Variants in NKAIN3 observed in about 807,000 individuals in gnomAD.
NKAIN3 encodes the protein sodium/potassium-transporting ATPase subunit beta-1-interacting protein 3.
A neutral mutation model predicts 30.2 loss-of-function variants in NKAIN3; 25 were observed. That is an observed-to-expected ratio of 0.83 (90% CI 0.60 to 1.16). The LOEUF is 1.16. Ranked by LOEUF, NKAIN3 falls within the 50% of genes most tolerant of loss-of-function variation. NKAIN3 has a pLI of 0.00. For missense variants in NKAIN3, 225 were observed against 254.1 expected (o/e 0.89, Z 0.78); for synonymous variants, 91 against 89.6 (o/e 1.02, Z -0.09).
chr8:62,844,277 G>C, intron 4 of NKAIN3, among the ~76,000 whole-genome samples: 1 of 152,104 alleles, frequency 6.6e-6, no homozygotes, highest in East Asian at 1.9e-4. Context: ...AGAGCATAAT[G>C]GGGGAACTCT....
At chr8:62,771,565 T>C (rs959001574) in intron 4 of NKAIN3, among the ~76,000 whole-genome samples, 8 of 151,718 alleles carry the variant, frequency 5.3e-5, no homozygotes, top group African/African-American at 9.7e-5. Context: ...GTACTTGGGG[T>C]GTCAGAAAGA....
intron 4 of NKAIN3, among the ~76,000 whole-genome samples, chr8:62,811,677 T>C (rs1475409218): frequency 6.6e-6 from 1 of 152,060 alleles, no homozygotes; most frequent in Non-Finnish European, 1.5e-5. Flanking sequence ...TCCTCTTTGG[T>C]AAAATGTCTA....
chr8:62,700,093 C>G (rs1814284688), intron 3 of NKAIN3, among the ~76,000 whole-genome samples: 1 of 152,106 alleles, frequency 6.6e-6, no homozygotes, highest in Admixed American at 6.5e-5. Flanking sequence ...CCACTGTACT[C>G]CAGTCTGGGC....
At chr8:62,292,109 T>C (rs1363668978) in intron 1 of NKAIN3, among the ~76,000 whole-genome samples, 1 of 152,196 alleles carries the variant, frequency 6.6e-6, no homozygotes, top group African/African-American at 2.4e-5. Context: ...CCTCCATCCC[T>C]TTATTTTGAG....
chr8:62,988,684 A>G (rs1353897201), downstream of NKAIN3, among the ~76,000 whole-genome samples: 3 of 152,220 alleles, frequency 2.0e-5, no homozygotes, highest in African/African-American at 7.2e-5. Flanking sequence ...TGTTCCTTCT[A>G]GGCCTCTGGG....
At chr8:62,354,979 C>A (rs549641666) in intron 1 of NKAIN3, among the ~76,000 whole-genome samples, 50 of 152,246 alleles carry the variant, frequency 3.3e-4, no homozygotes, top group Non-Finnish European at 5.1e-4. Context: ...AGAGAGTAAG[C>A]AAGCTATCCC....
chr8:62,577,471 T>TG (rs1810148526), intron 1 of NKAIN3, among the ~76,000 whole-genome samples: 1 of 145,780 alleles, frequency 6.9e-6, no homozygotes, highest in Non-Finnish European at 1.5e-5. Context: ...TTGTTGTTTT[T>TG]TTTTTGGTTT....
intron 1 of NKAIN3, among the ~76,000 whole-genome samples, chr8:62,563,788 T>A (rs1418593061): frequency 1.3e-5 from 2 of 152,174 alleles, no homozygotes; most frequent in Admixed American, 1.3e-4. Context: ...CTGCAGCTAT[T>A]GTTTGAGTTA....
At chr8:62,425,607 A>C (rs1413973726) in intron 1 of NKAIN3, among the ~76,000 whole-genome samples, 1 of 151,924 alleles carries the variant, frequency 6.6e-6, no homozygotes, top group African/African-American at 2.4e-5. Flanking sequence ...AGCTAAAGGA[A>C]TGTATTCTAT....
At chr8:62,344,618 T>C in intron 1 of NKAIN3, among the ~76,000 whole-genome samples, 1 of 152,106 alleles carries the variant, frequency 6.6e-6, no homozygotes, top group East Asian at 1.9e-4. Flanking sequence ...ACCCTATTGC[T>C]TTTCTTTATG....
intron 5 of NKAIN3, among the ~76,000 whole-genome samples, chr8:62,929,073 G>A (rs1424639785): frequency 1.3e-5 from 2 of 152,180 alleles, no homozygotes; most frequent in East Asian, 3.9e-4. Context: ...GAGCTAAGAG[G>A]CAAAGGCCAG....
intron 1 of NKAIN3, among the ~76,000 whole-genome samples, chr8:62,447,648 A>G (rs1585818470): frequency 6.6e-6 from 1 of 151,994 alleles, no homozygotes; most frequent in East Asian, 1.9e-4. Context: ...AATCACTTCT[A>G]AAGGGAATTA....
intron 1 of NKAIN3, among the ~76,000 whole-genome samples, chr8:62,497,914 C>T (rs1807293135): frequency 1.3e-5 from 2 of 152,144 alleles, no homozygotes; most frequent in Non-Finnish European, 2.9e-5. Context: ...TGGCACCTAC[C>T]TCTGAAGTGA....
At chr8:62,524,409 G>A (rs1808240289) in intron 1 of NKAIN3, among the ~76,000 whole-genome samples, 1 of 152,116 alleles carries the variant, frequency 6.6e-6, no homozygotes. Context: ...ATTAATGATT[G>A]ATTCATTTAG....
intron 1 of NKAIN3, among the ~76,000 whole-genome samples, chr8:62,466,174 T>C (rs768395887): frequency 6.6e-6 from 1 of 152,128 alleles, no homozygotes; most frequent in African/African-American, 2.4e-5. Flanking sequence ...AAGTTAATAA[T>C]GTATTATTAT....
intron 4 of NKAIN3, among the ~76,000 whole-genome samples, chr8:62,751,084 A>G (rs1275718960): frequency 6.6e-6 from 1 of 151,956 alleles, no homozygotes; most frequent in Non-Finnish European, 1.5e-5. Flanking sequence ...TGAATTCCCT[A>G]CTGTGCAAGG....
intron 6 of NKAIN3, among the ~76,000 whole-genome samples, chr8:62,955,059 C>T (rs1399484604): frequency 6.6e-6 from 1 of 152,076 alleles, no homozygotes; most frequent in Non-Finnish European, 1.5e-5. Flanking sequence ...TGGTTCTTAC[C>T]CAAATATGCA....
chr8:62,307,278 A>G (rs1814277046), intron 1 of NKAIN3, among the ~76,000 whole-genome samples: 1 of 149,542 alleles, frequency 6.7e-6, no homozygotes, highest in Non-Finnish European at 1.5e-5. Context: ...AAAAAAAAAA[A>G]AAAAAAATTC....
intron 1 of NKAIN3, among the ~76,000 whole-genome samples, chr8:62,505,979 A>G (rs1203562350): frequency 2.6e-5 from 4 of 152,042 alleles, no homozygotes; most frequent in African/African-American, 9.7e-5. Flanking sequence ...ATTCCTTGAC[A>G]TATGGCACTC....
Sources: gnomAD v4.1 joint callset for allele counts (sites outside exome capture counted in the v4.1 genomes callset) on GRCh38, gnomAD v4.1.1 for gene constraint, MANE v1.5 for transcripts, NCBI Gene and HGNC (gene_info 2026-07-23, HGNC 2026-07-21) for gene names.